Variants in SMYD3 observed in about 807,000 individuals in gnomAD.
SMYD3 encodes the protein SET and MYND domain containing 3, also known as histone-lysine N-methyltransferase SMYD3.
SMYD3 carries 36 observed loss-of-function variants against 57.7 expected under a neutral mutation model. The ratio of observed to expected loss-of-function variants is 0.62; its 90% CI spans 0.48 to 0.82. The LOEUF (loss-of-function observed/expected upper bound fraction) is 0.82. Ranked by LOEUF, SMYD3 falls within the 40% of genes least tolerant of loss-of-function variation. The pLI, the probability that SMYD3 is intolerant of heterozygous loss-of-function variation, is 0.00. For synonymous variants in SMYD3, 211 were observed against 195.0 expected, an observed-to-expected ratio of 1.08 and a Z score of -0.68; for missense variants, 515 against 538.8, an observed-to-expected ratio of 0.96 and a Z score of 0.44.
At chr1:246,362,694 C>T (rs1234424903) in intron 1 of SMYD3, among the ~76,000 whole-genome samples, 2 of 152,266 alleles carry the variant, frequency 1.3e-5, no homozygotes, top group African/African-American at 4.8e-5. Flanking sequence ...AGCTCCTAAC[C>T]GCGAGTGATC....
rs552614469 is a variant in SMYD3 at position 246,029,514 on chromosome 1, T to C, written c.532-99577A>G. Among the ~76,000 whole-genome samples, 6 of 150,576 alleles carry C rather than the reference T, an allele frequency of 4.0e-5. No homozygotes were observed. The East Asian group carries it at 1.2e-3, about 30-fold the overall frequency. ...GGTGAAACCCCATCTCTACTAAAAA[T>C]ACAAAAAATTAGCCAGGCGTGGTGA... is the stretch of plus-strand genomic sequence containing the variant. On this transcript the variant is annotated intron_variant, in intron 5 of 11. Transcript: ENST00000490107.
intron 5 of SMYD3, among the ~76,000 whole-genome samples, chr1:246,282,089 C>G (rs1454018007): frequency 6.6e-6 from 1 of 151,762 alleles, no homozygotes; most frequent in Non-Finnish European, 1.5e-5. Flanking sequence ...TTTAAAGGTC[C>G]AAATATGTAT....
intron 8 of SMYD3, among the ~76,000 whole-genome samples, chr1:245,866,354 A>G (rs1346250602): frequency 7.1e-6 from 1 of 140,070 alleles, no homozygotes; most frequent in Non-Finnish European, 1.5e-5. Context: ...AAAAGACACC[A>G]TAGGTGCACT....
At chr1:245,890,270 A>G (rs2053307913) in intron 8 of SMYD3, among the ~76,000 whole-genome samples, 1 of 152,210 alleles carries the variant, frequency 6.6e-6, no homozygotes, top group Non-Finnish European at 1.5e-5. Flanking sequence ...CAGCAAAGAA[A>G]ACAATGAACA....
intron 5 of SMYD3, among the ~76,000 whole-genome samples, chr1:246,199,288 C>T (rs1301926847): frequency 6.6e-6 from 1 of 152,194 alleles, no homozygotes; most frequent in Non-Finnish European, 1.5e-5. Flanking sequence ...ATCACGTGCC[C>T]TCTGTGAAGT....
intron 5 of SMYD3, among the ~76,000 whole-genome samples, chr1:246,077,796 A>G (rs2060572892): frequency 6.6e-6 from 1 of 152,136 alleles, no homozygotes; most frequent in South Asian, 2.1e-4. Flanking sequence ...ACAGGATTCA[A>G]GTTGCCTGTT....
Position 246,227,988 on chromosome 1 carries a change from G to A in SMYD3, c.531+99213C>T, listed in dbSNP as rs141241217. On this transcript the variant is annotated intron_variant, in intron 5 of 11. Transcript: ENST00000490107. ...TTTTTTTTTTTTTTTTGGAGACAAAGTCTCACTCCATCACCCAAACTCCAA... is the reference window on the plus strand; with the variant it reads ...TTTTTTTTTTTTTTTTGGAGACAAAATCTCACTCCATCACCCAAACTCCAA... Among the ~76,000 whole-genome samples the A allele has an allele frequency of 8.3e-5, 8 of 96,148 alleles. No individual in the cohort carries two copies. In the East Asian group the frequency reaches 2.6e-3, roughly 32 times the overall value. 63.1% of individuals were successfully genotyped at this position (96,148 alleles called of 152,430 possible).
At chr1:245,993,583 T>TAGATAGATAGATAGATAGATAGAC (rs1174143699) in intron 5 of SMYD3, among the ~76,000 whole-genome samples, 4 of 12,124 alleles carry the variant, frequency 3.3e-4, no homozygotes, top group African/African-American at 4.8e-4. Context: ...AAAAAAAAGA[T>TAGATAGATAGATAGATAGATAGAC]AGATAGATAG....
rs184658133 is a variant in SMYD3 at position 246,106,373 on chromosome 1, C to T, written c.532-176436G>A. On this transcript the variant is annotated intron_variant, in intron 5 of 11. Transcript: ENST00000490107. Reference sequence around the variant, plus strand: ...ATTAAATTTGCTGAAGGTGCAGTCACTTATGCCTTAGTTAAATAAAGATAG... The same window carrying T: ...ATTAAATTTGCTGAAGGTGCAGTCATTTATGCCTTAGTTAAATAAAGATAG... Among the ~76,000 whole-genome samples, 4 of 152,304 alleles carry T rather than the reference C, an allele frequency of 2.6e-5. No individual in the cohort carries two copies. The East Asian group carries it at 5.8e-4, about 22-fold the overall frequency.
chr1:245,884,108 C>G (rs1012708778), intron 8 of SMYD3, among the ~76,000 whole-genome samples: 4 of 152,100 alleles, frequency 2.6e-5, no homozygotes, highest in African/African-American at 9.7e-5. Context: ...TCTTAGAAGA[C>G]CTGTACAAAA....
At chr1:246,326,404 GA>G (rs57404221) in intron 5 of SMYD3, 368,223 of 604,486 alleles carry the variant, frequency 0.61, 102,568 homozygotes, top group Middle Eastern at 0.71. Context: ...GGCTAGTGAA[GA>G]AAAAAAAAAA....
At chr1:245,942,083 T>C (rs576894296) in intron 5 of SMYD3, among the ~76,000 whole-genome samples, 2 of 152,226 alleles carry the variant, frequency 1.3e-5, no homozygotes, top group South Asian at 4.2e-4. Context: ...GTCTGCAAAA[T>C]AACCAGCTAG....
chr1:246,263,527 C>A (rs1260934345), intron 5 of SMYD3, among the ~76,000 whole-genome samples: 2 of 152,148 alleles, frequency 1.3e-5, no homozygotes, highest in African/African-American at 4.8e-5. Flanking sequence ...CAGGAAAATG[C>A]CTGCTCCTGA....
intron 5 of SMYD3, among the ~76,000 whole-genome samples, chr1:246,307,442 C>G (rs1197631): frequency 1.8e-5 from 2 of 110,970 alleles, no homozygotes; most frequent in South Asian, 2.9e-4. Context: ...TTTTTTGAGA[C>G]GGAGTCTCGC....
chr1:245,881,319 G>A (rs939815028), intron 8 of SMYD3, among the ~76,000 whole-genome samples: 9 of 152,146 alleles, frequency 5.9e-5, no homozygotes, highest in African/African-American at 2.2e-4. Flanking sequence ...TCTTTCCAAC[G>A]GGTGGTTTAC....
At chr1:245,960,330 G>A (rs950450113) in intron 5 of SMYD3, among the ~76,000 whole-genome samples, 1 of 152,202 alleles carries the variant, frequency 6.6e-6, no homozygotes, top group Admixed American at 6.5e-5. Context: ...ACATGGCTTT[G>A]TTATCATTGG....
chr1:246,167,280 T>C (rs2062232772), intron 5 of SMYD3, among the ~76,000 whole-genome samples: 2 of 152,274 alleles, frequency 1.3e-5, no homozygotes, highest in South Asian at 2.1e-4. Context: ...CAGTTTTCCA[T>C]TCTTTTGTGT....
intron 5 of SMYD3, among the ~76,000 whole-genome samples, chr1:246,120,443 G>A (rs1284773094): frequency 2.0e-5 from 3 of 151,982 alleles, no homozygotes; most frequent in African/African-American, 4.8e-5. Flanking sequence ...GTCGCTTCCC[G>A]TATAGTTTTT....
chr1:246,149,088 T>C (rs568923204), intron 5 of SMYD3, among the ~76,000 whole-genome samples: 1 of 152,188 alleles, frequency 6.6e-6, no homozygotes, highest in Admixed American at 6.5e-5. Context: ...AATGTGACAG[T>C]AGCTGGAGGA....
Sources: gnomAD v4.1 joint callset for allele counts (sites outside exome capture counted in the v4.1 genomes callset) on GRCh38, gnomAD v4.1.1 for gene constraint, MANE v1.5 for transcripts, NCBI Gene and HGNC (gene_info 2026-07-23, HGNC 2026-07-21) for gene names.